CLEC17A: variants seen among roughly 807,000 people sequenced by gnomAD.
The protein encoded by CLEC17A is C-type lectin domain containing 17A, also known as C-type lectin domain family 17, member A.
Under a neutral mutation model 61.3 loss-of-function variants are expected in CLEC17A, and 37 were observed. The observed-to-expected ratio is 0.60, with a 90% CI of 0.46 to 0.79. The LOEUF (loss-of-function observed/expected upper bound fraction) is 0.79. Among genes scored for constraint, CLEC17A ranks in the 30% least tolerant of loss-of-function variants. CLEC17A has a pLI of 0.00. For missense variants in CLEC17A, 418 were observed against 464.7 expected, an observed-to-expected ratio of 0.90 and a Z score of 0.92; for synonymous variants, 168 against 164.9, an observed-to-expected ratio of 1.02 and a Z score of -0.14.
At chr19:14,601,192 C>A (rs1272781912) in intron 12 of CLEC17A, among the ~76,000 whole-genome samples, 8 of 152,200 alleles carry the variant, frequency 5.3e-5, no homozygotes, top group African/African-American at 1.7e-4. Flanking sequence ...TGTGAGCCAC[C>A]ACGCTGGGCT....
chr19:14,603,480 G>C (rs2074773932), intron 12 of CLEC17A, among the ~76,000 whole-genome samples: 1 of 151,786 alleles, frequency 6.6e-6, no homozygotes, highest in Admixed American at 6.6e-5. Flanking sequence ...TTTTTTTTGA[G>C]ATGGGATCTT....
At chr19:14,594,088 G>A (rs924698458) in intron 4 of CLEC17A, among the ~76,000 whole-genome samples, 2 of 152,034 alleles carry the variant, frequency 1.3e-5, no homozygotes, top group Non-Finnish European at 2.9e-5. Context: ...TTCGAGACCA[G>A]CCTGGCCAAC....
intron 3 of CLEC17A, among the ~76,000 whole-genome samples, chr19:14,589,234 A>C (rs2074358955): frequency 7.7e-6 from 1 of 130,668 alleles, no homozygotes. Context: ...ATCCCATCCC[A>C]CCCCATCCCA....
chr19:14,595,556 T>G lies in CLEC17A; in HGVS notation c.445+241T>G, dbSNP rs143075543. Among the ~76,000 whole-genome samples the G allele has an allele frequency of 9.6e-3, 1,455 of 152,316 alleles. 11 individuals are homozygous for G. Among genetic ancestry groups the G allele is most frequent in the Admixed American group, 0.012 (177 of 15,298 alleles). ...CTTCTGAGGACCAGAGTTATGTGGT[T>G]GTTTTGTTTTTGATAATGATGATGT... On this transcript the variant is annotated intron_variant, in intron 8 of 13. Coordinates refer to ENST00000417570, the MANE Select transcript of CLEC17A (RefSeq NM_001204118.2).
At chr19:14,607,768 G>A (rs538404335) in intron 13 of CLEC17A, among the ~76,000 whole-genome samples, 2 of 151,232 alleles carry the variant, frequency 1.3e-5, no homozygotes, top group Admixed American at 6.6e-5. Flanking sequence ...TAGAGATGGG[G>A]TTTCACCATG....
chr19:14,597,194 C>A, intron 10 of CLEC17A, 33 bp downstream of exon 10: 1 of 1,564,652 alleles, frequency 6.4e-7, no homozygotes. Flanking sequence ...TCATGCCACT[C>A]CTATTGAGCC....
In CLEC17A at chr19:14,592,339, G is replaced by A; in HGVS notation, c.258G>A (p.Lys86=). ...DDYENSTPPY[K]DLPPKPGSSA... is the part of the protein sequence containing the mutation. ...ATGAGAACTCAACACCTCCCTACAAGGACCTTCCTCCCAAGCCAGGTAAGA... is the reference window on the plus strand; with the variant it reads ...ATGAGAACTCAACACCTCCCTACAAAGACCTTCCTCCCAAGCCAGGTAAGA... The change falls in exon 4 of 14, where the codon AAG becomes AAA. Residue 86 remains lysine, a synonymous_variant. Coordinates refer to ENST00000417570, the MANE Select transcript of CLEC17A (RefSeq NM_001204118.2). The A allele has an allele frequency of 6.2e-7, 1 of 1,606,170 alleles. No individual in the cohort carries two copies. The highest frequency in any genetic ancestry group is 8.5e-7 in the Non-Finnish European group (1 of 1,176,314).
In CLEC17A at chr19:14,594,755, C is replaced by T; in HGVS notation, c.362-4C>T. 2 of 1,614,024 alleles carry T rather than the reference C, an allele frequency of 1.2e-6. No homozygotes were observed. Among genetic ancestry groups the T allele is most frequent in the African/African-American group, 1.3e-5 (1 of 75,060 alleles). The stretch of plus-strand genomic sequence containing the variant: ...TCTTGAAATGACTTTCTCATCTCTT[C>T]TAGGCCTGGACCTCGCCGCTGTCAC... On this transcript the variant is annotated splice_polypyrimidine_tract_variant and splice_region_variant and intron_variant, in intron 6 of 13. Transcript: ENST00000417570.
At chr19:14,594,831 T>C in intron 7 of CLEC17A, 31 bp downstream of exon 7, 1 of 1,591,482 alleles carries the variant, frequency 6.3e-7, no homozygotes, top group Non-Finnish European at 8.6e-7. Flanking sequence ...TTAAGATGCC[T>C]AAGAGGGGAT....
chr19:14,596,810 A>C (rs2074562918), intron 8 of CLEC17A, 66 bp from the exon 9 acceptor site: 1 of 1,550,188 alleles, frequency 6.5e-7, no homozygotes, highest in Non-Finnish European at 8.7e-7. Flanking sequence ...ACAAAGACTT[A>C]AGAGTCTCTT....
rs2146771050 is a variant in CLEC17A, at chr19:14,610,290, G to GGAC, written c.*95_*97dup. Reference sequence around the variant, plus strand: ...TGGACGGCCTTGCCTCTTCGTGAGTGGACACACAGATGTGCCTCAAACAGG... The same window carrying GGAC: ...TGGACGGCCTTGCCTCTTCGTGAGTGGACGACACACAGATGTGCCTCAAACAGG... On this transcript the variant is annotated 3_prime_UTR_variant, in exon 14 of 14. Coordinates refer to ENST00000417570, the MANE Select transcript of CLEC17A (RefSeq NM_001204118.2). 1 of 1,492,664 alleles carries GGAC rather than the reference G, an allele frequency of 6.7e-7. No homozygotes were observed. Among genetic ancestry groups the GGAC allele is most frequent in the African/African-American group, 1.4e-5 (1 of 72,332 alleles). 92.5% of individuals were successfully genotyped at this position (1,492,664 alleles called of 1,614,324 possible). A position where few individuals can be genotyped will look rare whatever the true frequency, so the allele number is the denominator to read the frequency against.
chr19:14,584,588 A>C (rs1232861816), intron 2 of CLEC17A, among the ~76,000 whole-genome samples: 3 of 151,946 alleles, frequency 2.0e-5, no homozygotes, highest in African/African-American at 7.3e-5. Flanking sequence ...CCCATCTCTG[A>C]GTCCAAAGTG....
chr19:14,599,935 G>A, intron 11 of CLEC17A, 96 bp from the exon 12 acceptor site: 1 of 1,542,198 alleles, frequency 6.5e-7, no homozygotes, highest in Non-Finnish European at 8.8e-7. Flanking sequence ...CCTCACCGGA[G>A]TTGAGCAGTG....
chr19:14,587,692 G>A lies in CLEC17A; in HGVS notation c.199+1G>A, dbSNP rs1599532647. Reference sequence around the variant, plus strand: ...TACAAGGACCTTCCTCCCAAGCCAGGTAAGAGGACTTTTTGGAGTGTGACC... The same window carrying A: ...TACAAGGACCTTCCTCCCAAGCCAGATAAGAGGACTTTTTGGAGTGTGACC... On this transcript the variant is annotated splice_donor_variant, in intron 3 of 13. Coordinates refer to ENST00000417570, the MANE Select transcript of CLEC17A (RefSeq NM_001204118.2). LOFTEE classifies it high-confidence loss of function. 3 of 1,608,736 alleles carry A rather than the reference G, an allele frequency of 1.9e-6. No individual in the cohort carries two copies. Among genetic ancestry groups the A allele is most frequent in the East Asian group, 2.2e-5 (1 of 44,642 alleles).
At chr19:14,584,575 TC>T (rs1217478609) in intron 2 of CLEC17A, among the ~76,000 whole-genome samples, 1 of 151,944 alleles carries the variant, frequency 6.6e-6, no homozygotes, top group Non-Finnish European at 1.5e-5. Context: ...AGGCTGTATA[TC>T]CCCCATCTCT....
intron 4 of CLEC17A, 94 bp from the exon 5 acceptor site, chr19:14,594,423 A>G (rs1273843089): frequency 2.7e-6 from 4 of 1,477,868 alleles, no homozygotes; most frequent in African/African-American, 2.8e-5. Context: ...CTAATCTCCA[A>G]TCCTCCACTG....
At chr19:14,599,899 C>T in intron 11 of CLEC17A, 87 bp downstream of exon 11, 1 of 1,479,078 alleles carries the variant, frequency 6.8e-7, no homozygotes, top group South Asian at 1.3e-5. Context: ...ATTCTCAGTG[C>T]AGTCTATGTG....
rs1599590271 is a variant in CLEC17A at position 14,611,610 on chromosome 19, G to A, written c.*1414G>A. Among the ~76,000 whole-genome samples, 1 of 152,086 alleles carries A rather than the reference G, an allele frequency of 6.6e-6. No individual in the cohort carries two copies. Among genetic ancestry groups the A allele is most frequent in the East Asian group, 1.9e-4 (1 of 5,180 alleles). ...GACCCCTACATAGTGTGGCCAGGCA[G>A]GCCATAACCTGGTCATATCCACACA... On this transcript the variant is annotated 3_prime_UTR_variant, in exon 14 of 14. Coordinates refer to ENST00000417570, the MANE Select transcript of CLEC17A (RefSeq NM_001204118.2).
chr19:14,602,619 T>C (rs990085984), intron 12 of CLEC17A, among the ~76,000 whole-genome samples: 2 of 152,178 alleles, frequency 1.3e-5, no homozygotes, highest in African/African-American at 4.8e-5. Flanking sequence ...ACCGTTTACA[T>C]TTAATATAAT....
Sources: allele counts gnomAD v4.1 joint callset (sites outside exome capture counted in the v4.1 genomes callset), GRCh38; gene constraint gnomAD v4.1.1; transcripts MANE v1.5; gene names NCBI Gene and HGNC (gene_info 2026-07-23, HGNC 2026-07-21).